NXPH1: variants seen among roughly 807,000 people sequenced by gnomAD.
The protein encoded by NXPH1 is neurexophilin 1, also known as neurexophilin-1.
NXPH1 carries 5 observed loss-of-function variants against 23.7 expected under a neutral mutation model. That is an observed-to-expected ratio of 0.21 (90% CI 0.11 to 0.44). NXPH1 has a LOEUF of 0.44. NXPH1 is among the 20% of genes least tolerant of loss of function. NXPH1 has a pLI of 0.99. For synonymous variants in NXPH1, 144 were observed against 122.2 expected, an observed-to-expected ratio of 1.18 and a Z score of -1.18; for missense variants, 324 against 321.6, an observed-to-expected ratio of 1.01 and a Z score of -0.06.
chr7:8,573,240 G>A (rs1818684634), intron 2 of NXPH1, among the ~76,000 whole-genome samples: 1 of 152,000 alleles, frequency 6.6e-6, no homozygotes, highest in South Asian at 2.1e-4. Context: ...TTGGTGAGTA[G>A]TGATTTTCAA....
At chr7:8,490,466 C>T (rs1817230453) in intron 2 of NXPH1, among the ~76,000 whole-genome samples, 1 of 150,830 alleles carries the variant, frequency 6.6e-6, no homozygotes, top group African/African-American at 2.4e-5. Flanking sequence ...AACTTTGTAA[C>T]CAAATTGTTT....
At chr7:8,732,095 C>T (rs1382287723) in intron 2 of NXPH1, among the ~76,000 whole-genome samples, 2 of 152,350 alleles carry the variant, frequency 1.3e-5, no homozygotes, top group East Asian at 3.9e-4. Flanking sequence ...GTGGGAGTGA[C>T]CCAATTTTCC....
rs572179163 is a variant in NXPH1, at chr7:8,686,891, C to A, written c.55-64117C>A. ...ATGCTGCATTTTATGCTGAATTACACATTACCATAAACAAATGACGATAAT... is the reference window on the plus strand; with the variant it reads ...ATGCTGCATTTTATGCTGAATTACAAATTACCATAAACAAATGACGATAAT... On this transcript the variant is annotated intron_variant, in intron 2 of 2. Transcript: ENST00000405863. Among the ~76,000 whole-genome samples, 51 of 152,148 alleles carry A rather than the reference C, an allele frequency of 3.4e-4. 1 individual carries two copies. The highest frequency in any genetic ancestry group is 1.2e-3 in the African/African-American group (50 of 41,534).
intron 2 of NXPH1, among the ~76,000 whole-genome samples, chr7:8,438,313 T>C (rs1457545820): frequency 2.0e-5 from 3 of 152,242 alleles, no homozygotes; most frequent in Non-Finnish European, 2.9e-5. Flanking sequence ...CATTGGAAGA[T>C]CTTATCCCTT....
intron 2 of NXPH1, among the ~76,000 whole-genome samples, chr7:8,563,885 T>C (rs1157284829): frequency 6.6e-6 from 1 of 151,696 alleles, no homozygotes; most frequent in East Asian, 1.9e-4. Context: ...TGATGGGCCA[T>C]TGAGATTAAA....
chr7:8,520,555 C>T (rs1817754211), intron 2 of NXPH1, among the ~76,000 whole-genome samples: 1 of 152,118 alleles, frequency 6.6e-6, no homozygotes. Flanking sequence ...TCCATTTCCC[C>T]CCAAAGCTGT....
chr7:8,652,507 A>T (rs900310417), intron 2 of NXPH1, among the ~76,000 whole-genome samples: 1 of 152,170 alleles, frequency 6.6e-6, no homozygotes, highest in African/African-American at 2.4e-5. Context: ...TGATATAACA[A>T]ATTTTAACTA....
intron 2 of NXPH1, among the ~76,000 whole-genome samples, chr7:8,440,779 G>C (rs1014100040): frequency 6.6e-6 from 1 of 151,972 alleles, no homozygotes; most frequent in Non-Finnish European, 1.5e-5. Context: ...TGACTAGGGG[G>C]GCGATGGGGA....
chr7:8,486,824 ATTCC>A (rs1817166867), intron 2 of NXPH1, among the ~76,000 whole-genome samples: 1 of 152,038 alleles, frequency 6.6e-6, no homozygotes, highest in Non-Finnish European at 1.5e-5. Flanking sequence ...GATCTGGTTA[ATTCC>A]TACCTTTTAA....
At chr7:8,634,357 G>A (rs1456520538) in intron 2 of NXPH1, among the ~76,000 whole-genome samples, 2 of 152,110 alleles carry the variant, frequency 1.3e-5, no homozygotes, top group African/African-American at 4.8e-5. Context: ...CACCATGATT[G>A]TGAGGTCTCC....
At chr7:8,659,292 T>C (rs535311073) in intron 2 of NXPH1, among the ~76,000 whole-genome samples, 1 of 152,308 alleles carries the variant, frequency 6.6e-6, no homozygotes, top group Admixed American at 6.5e-5. Context: ...TTGGATGCCT[T>C]CAGTATTTAG....
intron 2 of NXPH1, among the ~76,000 whole-genome samples, chr7:8,457,090 TG>T (rs990267042): frequency 1.3e-5 from 2 of 152,168 alleles, no homozygotes; most frequent in African/African-American, 4.8e-5. Context: ...GTGTAGGAAC[TG>T]GGGGTTCTTC....
chr7:8,669,208 G>A (rs1311095527), intron 2 of NXPH1, among the ~76,000 whole-genome samples: 1 of 152,206 alleles, frequency 6.6e-6, no homozygotes, highest in Non-Finnish European at 1.5e-5. Context: ...GGCAGACATG[G>A]AGCATGCGTC....
rs2882243 is a variant in NXPH1, at chr7:8,665,913, T to G, written c.55-85095T>G. 6.6e-3 allele frequency among the ~76,000 whole-genome samples: 144 copies of G among 21,950 alleles called. 1 individual carries two copies. Among genetic ancestry groups the G allele is most frequent in the African/African-American group, 0.012 (139 of 11,168 alleles). 14.4% of individuals were successfully genotyped at this position (21,950 alleles called of 152,430 possible). On this transcript the variant is annotated intron_variant, in intron 2 of 2. Coordinates refer to ENST00000405863, the MANE Select transcript of NXPH1 (RefSeq NM_152745.3). ...ATTAGTTCTAAGAGGTTTTTTTTTC[T>G]TTTTCTTTTTTTTTTTTTTTTGAAG...
At chr7:8,704,817 G>A (rs916675749) in intron 2 of NXPH1, among the ~76,000 whole-genome samples, 1 of 152,056 alleles carries the variant, frequency 6.6e-6, no homozygotes, top group African/African-American at 2.4e-5. Flanking sequence ...ACAGTGAAGG[G>A]TCCTGGCCTC....
At chr7:8,659,148 C>A (rs1820630137) in intron 2 of NXPH1, among the ~76,000 whole-genome samples, 2 of 23,398 alleles carry the variant, frequency 8.5e-5, no homozygotes, top group African/African-American at 1.7e-4. Context: ...TAGAAGAATC[C>A]CAGAAGTTTT....
intron 2 of NXPH1, among the ~76,000 whole-genome samples, chr7:8,499,950 A>G (rs1389130834): frequency 1.3e-5 from 2 of 152,120 alleles, no homozygotes; most frequent in Non-Finnish European, 2.9e-5. Flanking sequence ...GTACGGACAG[A>G]AAAATCTCTT....
intron 2 of NXPH1, among the ~76,000 whole-genome samples, chr7:8,440,085 C>T (rs146851331): frequency 2.0e-5 from 3 of 152,198 alleles, no homozygotes; most frequent in Non-Finnish European, 4.4e-5. Context: ...TACAGACCAG[C>T]CTTTTAGATA....
At position 8,751,802 on chromosome 7, in the gene NXPH1, G is replaced by T. The variant is rs769504277; in HGVS notation, c.*33G>T. The T allele has an allele frequency of 6.4e-6, 10 of 1,568,276 alleles. No homozygotes were observed. Among genetic ancestry groups the T allele is most frequent in the South Asian group, 1.2e-5 (1 of 84,684 alleles). On this transcript the variant is annotated 3_prime_UTR_variant, in exon 3 of 3. Coordinates refer to ENST00000405863, the MANE Select transcript of NXPH1 (RefSeq NM_152745.3). This position sits in a 1 kb window ranked among gnomAD's most constrained non-coding sequence, Gnocchi z 4.5. ...CATGGGGGTGAGACTGAAGCCTGAG[G>T]AATTAAAGGTCATATGACAGGGCTG...
Sources: gnomAD v4.1 joint callset for allele counts (sites outside exome capture counted in the v4.1 genomes callset) on GRCh38, gnomAD v4.1.1 for gene constraint, Gnocchi (gnomAD v3.1) non-coding constraint, MANE v1.5 for transcripts, NCBI Gene and HGNC (gene_info 2026-07-23, HGNC 2026-07-21) for gene names.